The following OIP5 variants were observed in gnomAD, a reference collection of about 807,000 sequenced individuals.
OIP5 encodes the protein Opa interacting protein 5.
OIP5 carries 24 observed loss-of-function variants against 20.3 expected under a neutral mutation model. The observed-to-expected ratio is 1.18, with a 90% CI of 0.86 to 1.66. The LOEUF (loss-of-function observed/expected upper bound fraction) is 1.66. Among genes scored for constraint, OIP5 ranks in the 40% most tolerant of loss-of-function variants. OIP5 has a pLI of 0.00. For missense variants in OIP5, 339 were observed against 289.5 expected, an observed-to-expected ratio of 1.17 and a Z score of -1.24; for synonymous variants, 143 against 121.3, an observed-to-expected ratio of 1.18 and a Z score of -1.17.
intron 2 of OIP5, among the ~76,000 whole-genome samples, chr15:41,320,580 C>A (rs2047817176): frequency 6.6e-6 from 1 of 152,180 alleles, no homozygotes; most frequent in African/African-American, 2.4e-5. Flanking sequence ...CTCGTTCACT[C>A]AGTGCTCAAT....
At chr15:41,320,684 C>T (rs1377345656) in intron 2 of OIP5, among the ~76,000 whole-genome samples, 3 of 152,318 alleles carry the variant, frequency 2.0e-5, no homozygotes, top group Non-Finnish European at 2.9e-5. Context: ...GCCGAGATTA[C>T]AGCCTCTGCC....
At chr15:41,318,133 T>G (rs2047799348) in intron 3 of OIP5, among the ~76,000 whole-genome samples, 1 of 152,136 alleles carries the variant, frequency 6.6e-6, no homozygotes, top group Non-Finnish European at 1.5e-5. Flanking sequence ...TGCAAAAGCT[T>G]GCCTTCTAGA....
At chr15:41,321,045 C>T (rs1301748978) in intron 2 of OIP5, among the ~76,000 whole-genome samples, 7 of 150,150 alleles carry the variant, frequency 4.7e-5, no homozygotes, top group Admixed American at 1.3e-4. Context: ...ACCCTCCGCC[C>T]GGCAGCCTCC....
At position 41,316,734 on chromosome 15, in the gene OIP5, G is replaced by A. The variant is rs911864471; in HGVS notation, c.512+2924C>T. Among the ~76,000 whole-genome samples the A allele has an allele frequency of 3.2e-5, 4 of 124,056 alleles. No homozygotes were observed. In the East Asian group the frequency reaches 9.8e-4, roughly 30 times the overall value. The allele number at this position is 124,056 out of a possible 152,430, so 81.4% of individuals were successfully genotyped here. On this transcript the variant is annotated intron_variant, in intron 3 of 4. Coordinates refer to ENST00000220514, the MANE Select transcript of OIP5 (RefSeq NM_007280.2). Reference sequence around the variant, plus strand: ...GAACCCAGGGGGTGAAGCTTACAGTGAACCAAGATCACGTCACTGCACTCC... The same window carrying A: ...GAACCCAGGGGGTGAAGCTTACAGTAAACCAAGATCACGTCACTGCACTCC...
At chr15:41,331,862 C>T (rs2047919576) in intron 2 of OIP5, 53 bp downstream of exon 2, 2 of 1,457,178 alleles carry the variant, frequency 1.4e-6, no homozygotes, top group African/African-American at 1.4e-5. Context: ...GTTCCACGAT[C>T]CTCAGTCTCA....
intron 2 of OIP5, among the ~76,000 whole-genome samples, chr15:41,329,012 G>C (rs2047879725): frequency 7.7e-6 from 1 of 130,198 alleles, no homozygotes. Context: ...GTTGCAGCGA[G>C]CCAAGATCCC....
chr15:41,330,587 T>C (rs1305101362), intron 2 of OIP5, among the ~76,000 whole-genome samples: 1 of 151,838 alleles, frequency 6.6e-6, no homozygotes, highest in Non-Finnish European at 1.5e-5. Context: ...GTATTTTTAG[T>C]AGAGACACGG....
rs1160777283 is a variant in OIP5 at position 41,332,524 on chromosome 15, G to C, written c.38C>G (p.Ala13Gly). ...ACAAAAGTCCCCCCGGGGCGGCGTT[G>C]CACAACGTGAGCGATGCCGCAGCGG... ...AQPLRHRSRC[A>G]TPPRGDFCGG... The change falls in exon 1 of 5, where the codon GCA becomes GGA. Residue 13 changes from alanine to glycine, a missense_variant. Transcript: ENST00000220514. 6.2e-7 allele frequency: 1 copy of C among 1,612,448 alleles called. No individual in the cohort carries two copies. The highest frequency in any genetic ancestry group is 1.7e-5 in the Admixed American group (1 of 59,410).
chr15:41,319,876 AG>A (rs2047812304), intron 2 of OIP5, 96 bp from the exon 3 acceptor site: 1 of 999,228 alleles, frequency 1.0e-6, no homozygotes, highest in Non-Finnish European at 1.4e-6. Context: ...CACCTAAGTC[AG>A]GGTGAAAATT....
intron 3 of OIP5, among the ~76,000 whole-genome samples, chr15:41,315,371 A>G (rs1199618662): frequency 3.3e-5 from 5 of 150,884 alleles, no homozygotes; most frequent in Non-Finnish European, 5.9e-5. Flanking sequence ...GGAGGTTGCA[A>G]TGAGCTGAGA....
chr15:41,321,200 T>C (rs1595501516), intron 2 of OIP5, among the ~76,000 whole-genome samples: 1 of 133,622 alleles, frequency 7.5e-6, no homozygotes, highest in Non-Finnish European at 1.6e-5. Context: ...AGGAGGGAGG[T>C]GGGGGGGTCA....
Position 41,309,461 on chromosome 15 carries a change from C to A in OIP5, c.*293G>T, listed in dbSNP as rs979391065. 11 of 235,172 alleles carry A rather than the reference C, an allele frequency of 4.7e-5. No homozygotes were observed. The highest frequency in any genetic ancestry group is 7.5e-5 in the Non-Finnish European group (9 of 120,236). The allele number at this position is 235,172 out of a possible 1,614,324, so 14.6% of individuals were successfully genotyped here. On this transcript the variant is annotated 3_prime_UTR_variant, in exon 5 of 5. Transcript: ENST00000220514. Reference sequence around the variant, plus strand: ...AGATCAGAGGACACATGGGACTCTGCATCTTAATTCCTAAATTTACAGTCA... The same window carrying A: ...AGATCAGAGGACACATGGGACTCTGAATCTTAATTCCTAAATTTACAGTCA...
intron 4 of OIP5, among the ~76,000 whole-genome samples, chr15:41,310,813 A>G (rs1244247615): frequency 6.6e-6 from 1 of 152,230 alleles, no homozygotes; most frequent in Admixed American, 6.5e-5. Flanking sequence ...GTTAACAGTA[A>G]CAAATGCCTC....
At chr15:41,325,023 T>A (rs2047852948) in intron 2 of OIP5, among the ~76,000 whole-genome samples, 1 of 152,112 alleles carries the variant, frequency 6.6e-6, no homozygotes, top group South Asian at 2.1e-4. Flanking sequence ...CTTCAATGGG[T>A]GCGGTTTGTG....
intron 2 of OIP5, among the ~76,000 whole-genome samples, chr15:41,326,614 C>T (rs553535045): frequency 1.6e-4 from 24 of 152,272 alleles, no homozygotes; most frequent in East Asian, 9.7e-4. Context: ...TTACTAGACA[C>T]GGGGTTTCCC....
chr15:41,313,743 T>C (rs2047773359), intron 3 of OIP5, among the ~76,000 whole-genome samples: 1 of 152,142 alleles, frequency 6.6e-6, no homozygotes, highest in South Asian at 2.1e-4. Context: ...TATATACTTT[T>C]ATACTTTAAA....
intron 3 of OIP5, among the ~76,000 whole-genome samples, chr15:41,317,864 G>C (rs996308543): frequency 6.6e-6 from 1 of 152,088 alleles, no homozygotes; most frequent in Non-Finnish European, 1.5e-5. Flanking sequence ...ATTTTTTGTA[G>C]AGACAGAGTC....
At chr15:41,322,465 C>G (rs1052673702) in intron 2 of OIP5, among the ~76,000 whole-genome samples, 6 of 152,052 alleles carry the variant, frequency 3.9e-5, no homozygotes, top group African/African-American at 1.4e-4. Context: ...GTGATACAAT[C>G]ATAGCTCACT....
rs745972708 is a variant in OIP5 at position 41,332,583 on chromosome 15, C to A, written c.-22G>T. ...CCATCTTCCCGCAGCCGGCGCCTTCCTTTCGAATACACGCCAGGCCCCGCC... is the reference window on the plus strand; with the variant it reads ...CCATCTTCCCGCAGCCGGCGCCTTCATTTCGAATACACGCCAGGCCCCGCC... On this transcript the variant is annotated 5_prime_UTR_variant, in exon 1 of 5. The change creates a new upstream start codon in the 5' untranslated region. Coordinates refer to ENST00000220514, the MANE Select transcript of OIP5 (RefSeq NM_007280.2). 92 of 1,582,530 alleles carry A rather than the reference C, an allele frequency of 5.8e-5. No homozygotes were observed. Among genetic ancestry groups the A allele is most frequent in the Non-Finnish European group, 7.6e-5 (89 of 1,165,180 alleles).
Sources: gnomAD v4.1 joint callset for allele counts (sites outside exome capture counted in the v4.1 genomes callset) on GRCh38, gnomAD v4.1.1 for gene constraint, MANE v1.5 for transcripts, NCBI Gene and HGNC (gene_info 2026-07-23, HGNC 2026-07-21) for gene names.